Variants in SNTG1 observed in about 807,000 individuals in gnomAD.
The protein encoded by SNTG1 is gamma-1-syntrophin.
A neutral mutation model predicts 74.7 loss-of-function variants in SNTG1; 39 were observed. The ratio of observed to expected loss-of-function variants is 0.52; its 90% confidence interval spans 0.40 to 0.68. SNTG1 has a LOEUF of 0.68. SNTG1 is among the 30% of genes least tolerant of loss of function. The pLI, the probability that SNTG1 is intolerant of heterozygous loss-of-function variation, is 0.00. For synonymous variants in SNTG1, 254 were observed against 217.1 expected (o/e 1.17, Z -1.49); for missense variants, 685 against 609.5 (o/e 1.12, Z -1.30).
intron 17 of SNTG1, among the ~76,000 whole-genome samples, chr8:50,727,064 A>C (rs1048497931): frequency 5.3e-5 from 8 of 152,102 alleles, no homozygotes; most frequent in African/African-American, 1.9e-4. Context: ...TAGAGAAAAT[A>C]AATTAATTTT....
intron 2 of SNTG1, among the ~76,000 whole-genome samples, chr8:50,185,335 C>T (rs2083340468): frequency 6.6e-6 from 1 of 152,170 alleles, no homozygotes; most frequent in East Asian, 1.9e-4. Context: ...TGTAAGTTTC[C>T]TGAGGCTTCC....
At chr8:50,679,890 T>C (rs564039764) in intron 15 of SNTG1, among the ~76,000 whole-genome samples, 1 of 152,072 alleles carries the variant, frequency 6.6e-6, no homozygotes, top group Admixed American at 6.6e-5. Context: ...GTAAAGGAAA[T>C]TGAGAGAGGG....
intron 13 of SNTG1, among the ~76,000 whole-genome samples, chr8:50,626,690 A>G (rs1330378943): frequency 6.6e-6 from 1 of 152,218 alleles, no homozygotes; most frequent in Non-Finnish European, 1.5e-5. Flanking sequence ...TGGCTTAGGA[A>G]TGCCTTTAAG....
At chr8:50,637,623 C>G (rs766477354) in intron 13 of SNTG1, among the ~76,000 whole-genome samples, 1 of 152,020 alleles carries the variant, frequency 6.6e-6, no homozygotes, top group Non-Finnish European at 1.5e-5. Flanking sequence ...TCACTCACTC[C>G]TATTTTACCT....
chr8:50,721,340 T>C (rs1047245144), intron 17 of SNTG1, among the ~76,000 whole-genome samples: 3 of 152,188 alleles, frequency 2.0e-5, no homozygotes, highest in Admixed American at 6.5e-5. Flanking sequence ...CCCACTGACA[T>C]TCTCTAGGTT....
chr8:50,317,804 ATCTC>A (rs2090367150), intron 2 of SNTG1, among the ~76,000 whole-genome samples: 1 of 152,150 alleles, frequency 6.6e-6, no homozygotes, highest in South Asian at 2.1e-4. Flanking sequence ...ATTAAGTACT[ATCTC>A]TATGACATCA....
chr8:50,001,665 T>G (rs761828299), intron 1 of SNTG1, among the ~76,000 whole-genome samples: 2 of 152,192 alleles, frequency 1.3e-5, no homozygotes, highest in Non-Finnish European at 2.9e-5. Context: ...CTTGCAGTTC[T>G]AAACTTCTGT....
chr8:49,930,698 C>T (rs1290404069), intron 1 of SNTG1, among the ~76,000 whole-genome samples: 1 of 151,910 alleles, frequency 6.6e-6, no homozygotes, highest in Non-Finnish European at 1.5e-5. Context: ...TCTTTTCCAC[C>T]ACAGTAAGCA....
intron 1 of SNTG1, among the ~76,000 whole-genome samples, chr8:50,053,623 TTGTGTGTGTGTGTGTG>T (rs60947505): frequency 3.0e-5 from 4 of 134,466 alleles, no homozygotes; most frequent in East Asian, 2.3e-4. Flanking sequence ...ATATATATAA[TTGTGTGTGTGTGTGTG>T]TGTGTGTGTG....
intron 17 of SNTG1, among the ~76,000 whole-genome samples, chr8:50,746,464 A>G (rs974886606): frequency 8.5e-5 from 13 of 152,088 alleles, no homozygotes; most frequent in African/African-American, 2.6e-4. Flanking sequence ...CATCGAAAAC[A>G]TTACAATAGG....
At chr8:49,912,604 A>T (rs1034009338) in intron 1 of SNTG1, among the ~76,000 whole-genome samples, 1 of 152,262 alleles carries the variant, frequency 6.6e-6, no homozygotes, top group Non-Finnish European at 1.5e-5. Context: ...AGACTAAAAA[A>T]GTTAAAATAG....
intron 2 of SNTG1, among the ~76,000 whole-genome samples, chr8:50,367,322 A>G (rs997566628): frequency 3.3e-5 from 5 of 152,046 alleles, no homozygotes; most frequent in African/African-American, 9.7e-5. Flanking sequence ...TCACAATATT[A>G]GAAAGAAAAT....
chr8:50,439,679 T>C (rs2093339473), intron 5 of SNTG1, among the ~76,000 whole-genome samples: 1 of 151,566 alleles, frequency 6.6e-6, no homozygotes, highest in Admixed American at 6.6e-5. Context: ...TCTATGAGAA[T>C]TTAATCACTC....
At chr8:50,224,449 AAGGAAGACTC>A (rs2085228241) in intron 2 of SNTG1, among the ~76,000 whole-genome samples, 1 of 152,200 alleles carries the variant, frequency 6.6e-6, no homozygotes, top group Non-Finnish European at 1.5e-5. Context: ...TCAGTTTTCA[AAGGAAGACTC>A]AGGACCCTAG....
At chr8:50,712,795 G>A (rs2095465357) in intron 17 of SNTG1, among the ~76,000 whole-genome samples, 1 of 151,982 alleles carries the variant, frequency 6.6e-6, no homozygotes. Flanking sequence ...GGGAATGATG[G>A]TTTTCAGCTT....
rs189759854 is a variant in SNTG1, at chr8:50,689,991, C to G, written c.1039-14609C>G. On this transcript the variant is annotated intron_variant, in intron 15 of 18. Coordinates refer to ENST00000642720, the MANE Select transcript of SNTG1 (RefSeq NM_018967.5). ...TTTAGTCTTGGGAGGATGTATGTGT[C>G]GAGGAATTTATCCATTTCTTCTAGA... 9.2e-5 allele frequency among the ~76,000 whole-genome samples: 14 copies of G among 152,080 alleles called. No homozygotes were observed. The South Asian group carries it at 2.5e-3, about 27-fold the overall frequency.
chr8:50,706,007 A>G (rs2095442219), intron 16 of SNTG1, among the ~76,000 whole-genome samples: 1 of 152,262 alleles, frequency 6.6e-6, no homozygotes, highest in African/African-American at 2.4e-5. Context: ...TGCGTAAAAC[A>G]GGATTGTTGG....
chr8:50,272,851 C>T (rs897847551), intron 2 of SNTG1, among the ~76,000 whole-genome samples: 11 of 151,384 alleles, frequency 7.3e-5, no homozygotes, highest in African/African-American at 1.9e-4. Context: ...ATCCTCCTGC[C>T]TCAGCCTCCT....
intron 2 of SNTG1, among the ~76,000 whole-genome samples, chr8:50,359,406 C>T (rs1203686145): frequency 6.6e-6 from 1 of 152,192 alleles, no homozygotes; most frequent in Non-Finnish European, 1.5e-5. Context: ...TGGGACTGCC[C>T]ATTGTAAACC....
Sources: gnomAD v4.1 joint callset for allele counts (sites outside exome capture counted in the v4.1 genomes callset) on GRCh38, gnomAD v4.1.1 for gene constraint, MANE v1.5 for transcripts, NCBI Gene and HGNC (gene_info 2026-07-23, HGNC 2026-07-21) for gene names.